Variants in ARPP21 observed in about 807,000 individuals in gnomAD.
The protein encoded by ARPP21 is cAMP-regulated phosphoprotein 21.
Under a neutral mutation model 113.2 loss-of-function variants are expected in ARPP21, and 69 were observed. The observed-to-expected ratio is 0.61, with a 90% CI of 0.50 to 0.74. The LOEUF (loss-of-function observed/expected upper bound fraction) is 0.74, where lower values mean the gene tolerates loss of function less well. Among genes scored for constraint, ARPP21 ranks in the 30% least tolerant of loss-of-function variants. ARPP21 has a pLI of 0.00. For synonymous variants in ARPP21, 368 were observed against 375.5 expected, an observed-to-expected ratio of 0.98 and a Z score of 0.23; for missense variants, 1,070 against 1,037.4, an observed-to-expected ratio of 1.03 and a Z score of -0.43.
At chr3:35,753,646 A>G (rs895469850) in intron 19 of ARPP21, among the ~76,000 whole-genome samples, 2 of 152,054 alleles carry the variant, frequency 1.3e-5, no homozygotes, top group Non-Finnish European at 2.9e-5. Context: ...TGTATATTTG[A>G]AAAGAGACCA....
chr3:35,793,481 T>C (rs952985847), intron 20 of ARPP21, among the ~76,000 whole-genome samples: 4 of 152,200 alleles, frequency 2.6e-5, no homozygotes, highest in Admixed American at 2.0e-4. Context: ...ATCCTTTCAA[T>C]GGTACTTTGA....
intron 14 of ARPP21, among the ~76,000 whole-genome samples, chr3:35,727,091 G>A (rs981379752): frequency 3.3e-5 from 5 of 151,880 alleles, no homozygotes; most frequent in Admixed American, 6.6e-5. Flanking sequence ...TGCCTTATTC[G>A]TAGCCCCATG....
chr3:35,724,202 C>T (rs959388418), intron 14 of ARPP21, among the ~76,000 whole-genome samples: 1 of 152,196 alleles, frequency 6.6e-6, no homozygotes, highest in Admixed American at 6.5e-5. Flanking sequence ...TGTACAAGCA[C>T]ATTCTCTTGA....
intron 1 of ARPP21, among the ~76,000 whole-genome samples, chr3:35,667,950 A>G (rs1449208444): frequency 2.9e-4 from 4 of 13,936 alleles, no homozygotes; most frequent in African/African-American, 6.9e-4. Context: ...GAAGAAGAAA[A>G]GAAGAAGAAG....
intron 9 of ARPP21, among the ~76,000 whole-genome samples, chr3:35,705,978 T>G (rs1313153833): frequency 6.6e-6 from 1 of 152,200 alleles, no homozygotes; most frequent in Admixed American, 6.5e-5. Context: ...AATGATAAGT[T>G]TCTCTTAATT....
chr3:35,763,699 C>T (rs978252476), intron 19 of ARPP21, among the ~76,000 whole-genome samples: 1 of 152,092 alleles, frequency 6.6e-6, no homozygotes, highest in African/African-American at 2.4e-5. Context: ...GCATAACTGA[C>T]TTTAGCGGCA....
intron 19 of ARPP21, among the ~76,000 whole-genome samples, chr3:35,781,207 T>C (rs182037871): frequency 6.6e-6 from 1 of 152,324 alleles, no homozygotes; most frequent in Admixed American, 6.5e-5. Flanking sequence ...TTAAAAATAC[T>C]CATGGCTTCA....
chr3:35,782,034 C>G (rs1174202314), intron 19 of ARPP21, among the ~76,000 whole-genome samples: 1 of 152,138 alleles, frequency 6.6e-6, no homozygotes, highest in Non-Finnish European at 1.5e-5. Context: ...AAATTTAAAT[C>G]TAACTGATTG....
intron 1 of ARPP21, among the ~76,000 whole-genome samples, chr3:35,670,941 A>T (rs1477844028): frequency 6.6e-6 from 1 of 152,126 alleles, no homozygotes; most frequent in African/African-American, 2.4e-5. Flanking sequence ...TTCATCTGGA[A>T]CATTTATTCA....
At chr3:35,745,811 C>T (rs1175101387) in intron 19 of ARPP21, among the ~76,000 whole-genome samples, 1 of 152,162 alleles carries the variant, frequency 6.6e-6, no homozygotes, top group Non-Finnish European at 1.5e-5. Flanking sequence ...AACACCCTCT[C>T]CCATTCAGTT....
At chr3:35,774,271 A>T (rs1387241194) in intron 19 of ARPP21, among the ~76,000 whole-genome samples, 1 of 152,146 alleles carries the variant, frequency 6.6e-6, no homozygotes, top group Non-Finnish European at 1.5e-5. Context: ...CATATGATAA[A>T]AAATGTTTTT....
chr3:35,714,014 A>G (rs775281469), intron 11 of ARPP21, among the ~76,000 whole-genome samples: 8 of 152,226 alleles, frequency 5.3e-5, no homozygotes, highest in Non-Finnish European at 8.8e-5. Context: ...AAAAGAAGTT[A>G]GGACATTTAG....
At chr3:35,712,086 C>T (rs1244649398) in intron 11 of ARPP21, among the ~76,000 whole-genome samples, 1 of 152,118 alleles carries the variant, frequency 6.6e-6, no homozygotes, top group Non-Finnish European at 1.5e-5. Context: ...TTTAGGGGAC[C>T]CTCATCTAGT....
chr3:35,651,793 G>A (rs1299434374), intron 1 of ARPP21: 3 of 151,846 alleles, frequency 2.0e-5, no homozygotes. Flanking sequence ...TGATTGCATA[G>A]GCCTCACATA....
chr3:35,765,563 G>A (rs560483139), intron 19 of ARPP21, among the ~76,000 whole-genome samples: 6 of 152,114 alleles, frequency 3.9e-5, no homozygotes, highest in African/African-American at 7.2e-5. Context: ...ACACCTTCTC[G>A]CCAAGGAACA....
chr3:35,642,632 C>G (rs916566806), intron 1 of ARPP21, among the ~76,000 whole-genome samples: 6 of 152,104 alleles, frequency 3.9e-5, no homozygotes, highest in African/African-American at 1.4e-4. Flanking sequence ...TTAATACAAG[C>G]TGTCATATTC....
At chr3:35,702,816 AAAG>A (rs1421428226) in intron 9 of ARPP21, among the ~76,000 whole-genome samples, 4 of 151,850 alleles carry the variant, frequency 2.6e-5, no homozygotes, top group African/African-American at 7.2e-5. Context: ...ACTTATTTAA[AAAG>A]AAGAACTAAG....
rs888222932 is a variant in ARPP21 at position 35,652,896 on chromosome 3, A to C, written c.-213+12498A>C. Among the ~76,000 whole-genome samples, 7 of 151,946 alleles carry C rather than the reference A, an allele frequency of 4.6e-5. No homozygotes were observed. The South Asian group carries it at 1.4e-3, about 31-fold the overall frequency. On this transcript the variant is annotated intron_variant, in intron 1 of 20. Transcript: ENST00000684406. ...ACTTCACTTGGCTTGCTCTTTCTGC[A>C]CTCTGAATTACCTTGTTTCTCCAGG...
chr3:35,759,771 C>A (rs972927953), intron 19 of ARPP21, among the ~76,000 whole-genome samples: 2 of 150,766 alleles, frequency 1.3e-5, no homozygotes, highest in Non-Finnish European at 2.9e-5. Flanking sequence ...ATAATTAAAG[C>A]ATTGGCAGAT....
Sources: gnomAD v4.1 joint callset for allele counts (sites outside exome capture counted in the v4.1 genomes callset) on GRCh38, gnomAD v4.1.1 for gene constraint, MANE v1.5 for transcripts, NCBI Gene and HGNC (gene_info 2026-07-23, HGNC 2026-07-21) for gene names.